Variants in ESRRG observed in about 807,000 individuals in gnomAD.
ESRRG encodes estrogen-related receptor gamma.
In ESRRG, 13 loss-of-function variants were observed where a neutral mutation model predicts 44.0. The observed-to-expected ratio is 0.30, with a 90% CI of 0.19 to 0.47. ESRRG has a LOEUF of 0.47. Ranked by LOEUF, ESRRG falls within the 20% of genes least tolerant of loss-of-function variation. The pLI is 1.00. For missense variants in ESRRG, 395 were observed against 580.6 expected, an observed-to-expected ratio of 0.68 and a Z score of 3.29; for synonymous variants, 215 against 214.6, an observed-to-expected ratio of 1.00 and a Z score of -0.02.
At chr1:216,649,731 A>G (rs2068489437) in intron 3 of ESRRG, among the ~76,000 whole-genome samples, 1 of 152,124 alleles carries the variant, frequency 6.6e-6, no homozygotes, top group Non-Finnish European at 1.5e-5. Flanking sequence ...CTTTGTTCCT[A>G]TTTGATAAGT....
chr1:216,707,354 C>G, intron 1 of ESRRG: 1 of 1,535,516 alleles, frequency 6.5e-7, no homozygotes, highest in Non-Finnish European at 8.7e-7. Flanking sequence ...AATAATCGGG[C>G]CCACCTTTTA....
chr1:217,132,332 GA>G (rs1260277744), intron 1 of ESRRG, among the ~76,000 whole-genome samples: 2 of 152,112 alleles, frequency 1.3e-5, no homozygotes, highest in African/African-American at 4.8e-5. Context: ...GTCTAGCTGG[GA>G]AAAGGGAGAG....
intron 2 of ESRRG, among the ~76,000 whole-genome samples, chr1:216,670,376 A>C (rs1044180274): frequency 6.6e-6 from 1 of 152,236 alleles, no homozygotes; most frequent in Non-Finnish European, 1.5e-5. Context: ...GGCTTGCAGG[A>C]AAATGACTAA....
At chr1:216,986,651 C>T (rs770012675) in intron 1 of ESRRG, among the ~76,000 whole-genome samples, 7 of 150,058 alleles carry the variant, frequency 4.7e-5, no homozygotes, top group South Asian at 2.1e-4. Flanking sequence ...CGCTTGAGCC[C>T]GAGGGGCAGA....
At chr1:216,545,921 T>A (rs190678111) in intron 5 of ESRRG, among the ~76,000 whole-genome samples, 20 of 152,148 alleles carry the variant, frequency 1.3e-4, no homozygotes, top group Admixed American at 1.2e-3. Flanking sequence ...TATTTATTGA[T>A]CTTATTGATG....
chr1:217,043,583 T>C (rs1376104490), intron 1 of ESRRG, among the ~76,000 whole-genome samples: 7 of 152,230 alleles, frequency 4.6e-5, no homozygotes, highest in African/African-American at 1.7e-4. Context: ...TAAATTTAGC[T>C]ACTTTTGTAC....
At chr1:216,663,258 G>GA (rs1332273334) in intron 2 of ESRRG, among the ~76,000 whole-genome samples, 3 of 151,788 alleles carry the variant, frequency 2.0e-5, no homozygotes, top group Non-Finnish European at 4.4e-5. Context: ...CAAAAGCAGG[G>GA]GAAAAAAAGT....
chr1:216,942,653 C>T (rs1206949443), intron 1 of ESRRG, among the ~76,000 whole-genome samples: 1 of 152,090 alleles, frequency 6.6e-6, no homozygotes, highest in African/African-American at 2.4e-5. Flanking sequence ...TTGTATTTCC[C>T]TGATAATTAG....
intron 2 of ESRRG, among the ~76,000 whole-genome samples, chr1:216,802,339 T>C (rs2094648641): frequency 6.6e-6 from 1 of 152,120 alleles, no homozygotes; most frequent in African/African-American, 2.4e-5. Context: ...TCAAACTGGG[T>C]ATTTTTAGAA....
chr1:216,614,419 A>G (rs1403655981), intron 3 of ESRRG, among the ~76,000 whole-genome samples: 1 of 152,096 alleles, frequency 6.6e-6, no homozygotes, highest in African/African-American at 2.4e-5. Context: ...AATTCTATCT[A>G]AAGGAATACA....
intron 2 of ESRRG, among the ~76,000 whole-genome samples, chr1:216,912,995 T>G (rs966769602): frequency 6.6e-6 from 1 of 151,312 alleles, no homozygotes; most frequent in Non-Finnish European, 1.5e-5. Context: ...TGGTGACATA[T>G]GCCTGTAATC....
At chr1:216,905,777 T>G (rs1219525723) in intron 2 of ESRRG, among the ~76,000 whole-genome samples, 1 of 152,198 alleles carries the variant, frequency 6.6e-6, no homozygotes, top group Non-Finnish European at 1.5e-5. Context: ...AGGGTCTCAC[T>G]TTGTCACCCA....
chr1:216,705,238 G>A (rs2082217242), intron 1 of ESRRG, among the ~76,000 whole-genome samples: 1 of 151,912 alleles, frequency 6.6e-6, no homozygotes, highest in Non-Finnish European at 1.5e-5. Context: ...TAATATATAT[G>A]CAAAATCCAA....
chr1:217,063,441 C>A (rs1304016383), intron 1 of ESRRG, among the ~76,000 whole-genome samples: 1 of 152,162 alleles, frequency 6.6e-6, no homozygotes. Context: ...ATAGGCTAAG[C>A]CTACAATCTC....
chr1:216,888,378 A>G (rs770148295), intron 2 of ESRRG, among the ~76,000 whole-genome samples: 1 of 152,226 alleles, frequency 6.6e-6, no homozygotes, highest in East Asian at 1.9e-4. Flanking sequence ...CTTTAGAAAA[A>G]GGAATTTCAA....
chr1:216,850,235 G>A (rs1008245123), intron 2 of ESRRG, among the ~76,000 whole-genome samples: 2 of 152,054 alleles, frequency 1.3e-5, no homozygotes, highest in African/African-American at 4.8e-5. Context: ...CAAAAGAAAT[G>A]AATGGTGAAA....
At chr1:216,858,018 G>A (rs535641225) in intron 2 of ESRRG, among the ~76,000 whole-genome samples, 29 of 152,204 alleles carry the variant, frequency 1.9e-4, no homozygotes, top group African/African-American at 4.6e-4. Flanking sequence ...CTCTCTGAGC[G>A]TCAGTTTCTT....
At chr1:216,949,709 C>T (rs572817107) in intron 1 of ESRRG, among the ~76,000 whole-genome samples, 3 of 152,196 alleles carry the variant, frequency 2.0e-5, no homozygotes, top group Non-Finnish European at 4.4e-5. Flanking sequence ...TCTTCTACAA[C>T]AAATGAGCAA....
intron 2 of ESRRG, among the ~76,000 whole-genome samples, chr1:216,913,006 C>G (rs1241755615): frequency 1.3e-5 from 2 of 150,932 alleles, no homozygotes; most frequent in Non-Finnish European, 2.9e-5. Flanking sequence ...GCCTGTAATC[C>G]CAGCTACTCA....
Sources: allele counts gnomAD v4.1 joint callset (sites outside exome capture counted in the v4.1 genomes callset), GRCh38; gene constraint gnomAD v4.1.1; transcripts MANE v1.5; gene names NCBI Gene and HGNC (gene_info 2026-07-23, HGNC 2026-07-21).